TUB: variants seen among roughly 807,000 people sequenced by gnomAD.
TUB encodes TUB bipartite transcription factor.
A neutral mutation model predicts 59.7 loss-of-function variants in TUB; 33 were observed. The observed-to-expected ratio is 0.55, with a 90% CI of 0.42 to 0.74. TUB has a LOEUF of 0.74. Ranked by LOEUF, TUB falls within the 30% of genes least tolerant of loss-of-function variation. The pLI is 0.00. For missense variants in TUB, 659 were observed against 672.0 expected (o/e 0.98, Z 0.21); for synonymous variants, 293 against 256.4 (o/e 1.14, Z -1.36).
intron 1 of TUB, among the ~76,000 whole-genome samples, chr11:8,027,549 C>G (rs1942516301): frequency 6.6e-6 from 1 of 152,110 alleles, no homozygotes; most frequent in Non-Finnish European, 1.5e-5. Flanking sequence ...GAGTCTTGCT[C>G]TGTCTCCCAG....
chr11:8,037,498 G>T (rs528637426), upstream of TUB, among the ~76,000 whole-genome samples: 5 of 152,322 alleles, frequency 3.3e-5, no homozygotes, highest in South Asian at 1.0e-3. Context: ...TTGGGGTGGG[G>T]TCAGCAATGT....
chr11:8,064,891 G>A (rs917818145), intron 2 of TUB, among the ~76,000 whole-genome samples: 7 of 152,194 alleles, frequency 4.6e-5, no homozygotes, highest in Admixed American at 2.0e-4. Context: ...AAAGGACTCC[G>A]CAAACTTGGG....
At chr11:8,058,742 C>T (rs148328653) in intron 2 of TUB, among the ~76,000 whole-genome samples, 13 of 152,292 alleles carry the variant, frequency 8.5e-5, no homozygotes, top group African/African-American at 2.6e-4. Context: ...AAATATCAAG[C>T]AGCATTAAGC....
upstream of TUB, among the ~76,000 whole-genome samples, chr11:8,079,673 G>GGTGTGTGTGCGTGC (rs71059150): frequency 6.7e-6 from 1 of 149,360 alleles, no homozygotes. Context: ...CATGTGTGTA[G>GGTGTGTGTGCGTGC]GTGTGTGTAG....
intron 2 of TUB, among the ~76,000 whole-genome samples, chr11:8,072,493 G>C (rs988003316): frequency 2.6e-5 from 4 of 152,128 alleles, no homozygotes; most frequent in Non-Finnish European, 4.4e-5. Flanking sequence ...ATAGCTCCTC[G>C]GGGAGCTGCC....
rs1031795646 is a variant in TUB, at chr11:8,104,560, C to T, written c.*2941C>T. 1.3e-5 allele frequency: 2 copies of T among 152,184 alleles called. No homozygotes were observed. The highest frequency in any genetic ancestry group is 2.9e-5 in the Non-Finnish European group (2 of 68,040). 9.4% of individuals were successfully genotyped at this position (152,184 alleles called of 1,614,324 possible). Reference sequence around the variant, plus strand: ...GGAATAAGGATGTTGTTATGATCGCCTGTGGATTTTGTCCATTCATCTCAT... The same window carrying T: ...GGAATAAGGATGTTGTTATGATCGCTTGTGGATTTTGTCCATTCATCTCAT... On this transcript the variant is annotated 3_prime_UTR_variant, in exon 12 of 12. Coordinates refer to ENST00000299506, the MANE Select transcript of TUB (RefSeq NM_177972.3).
chr11:8,098,335 G>A lies in TUB; in HGVS notation c.999-423G>A, dbSNP rs186096040. ...AGCATAAATAAAGATGAGAGGTCAG[G>A]AGCTAAAGCTGGAGATGGGGCTGGA... On this transcript the variant is annotated intron_variant, in intron 8 of 11. Coordinates refer to ENST00000299506, the MANE Select transcript of TUB (RefSeq NM_177972.3). Among the ~76,000 whole-genome samples the A allele has an allele frequency of 2.0e-5, 3 of 152,280 alleles. No individual in the cohort carries two copies. In the East Asian group the frequency reaches 5.8e-4, roughly 29 times the overall value.
At chr11:8,092,187 A>G (rs1272666393) in intron 3 of TUB, among the ~76,000 whole-genome samples, 2 of 152,164 alleles carry the variant, frequency 1.3e-5, no homozygotes, top group African/African-American at 4.8e-5. Context: ...CACACCTGTA[A>G]TCCCAACACT....
rs566173072 is a variant in TUB at position 8,053,713 on chromosome 11, G to A, written c.203+14021G>A. Among the ~76,000 whole-genome samples, 138 of 151,096 alleles carry A rather than the reference G, an allele frequency of 9.1e-4. 1 individual carries two copies. The highest frequency in any genetic ancestry group is 3.2e-3 in the African/African-American group (132 of 41,286). On this transcript the variant is annotated intron_variant, in intron 2 of 12. Transcript: ENST00000305253. ...AGACGGGGTTTCACCGTGTTAGCCA[G>A]GATGGTCTCGATCTCCTGACCTCGC...
Position 8,105,269 on chromosome 11 carries a change from A to G in TUB, c.*3650A>G, listed in dbSNP as rs1195149356. The G allele has an allele frequency of 6.6e-6, 1 of 152,220 alleles. No homozygotes were observed. Among genetic ancestry groups the G allele is most frequent in the Non-Finnish European group, 1.5e-5 (1 of 68,058 alleles). 9.4% of individuals were successfully genotyped at this position (152,220 alleles called of 1,614,324 possible). A position where few individuals can be genotyped will look rare whatever the true frequency, so the allele number is the denominator to read the frequency against. The stretch of plus-strand genomic sequence containing the variant: ...TGGCCCTCAGATTACACTTCTCCAG[A>G]TAGCTGAATGAGTCTGCTTTCACTG... On this transcript the variant is annotated 3_prime_UTR_variant, in exon 12 of 12. Coordinates refer to ENST00000299506, the MANE Select transcript of TUB (RefSeq NM_177972.3).
intron 2 of TUB, among the ~76,000 whole-genome samples, chr11:8,046,257 C>T (rs1242969097): frequency 2.6e-5 from 4 of 152,124 alleles, no homozygotes; most frequent in Non-Finnish European, 2.9e-5. Context: ...TCTGAACTGT[C>T]GTTTCATCTA....
At chr11:8,044,777 C>T (rs555522331) in intron 2 of TUB, among the ~76,000 whole-genome samples, 2 of 152,314 alleles carry the variant, frequency 1.3e-5, no homozygotes, top group Non-Finnish European at 2.9e-5. Context: ...TTCCTAGGAC[C>T]CCTGCTCAGG....
upstream of TUB, among the ~76,000 whole-genome samples, chr11:8,081,097 G>A (rs576567703): frequency 3.8e-4 from 58 of 151,784 alleles, no homozygotes; most frequent in African/African-American, 1.3e-3. Flanking sequence ...CGACGATTTC[G>A]GGGGAGGGGG....
At chr11:8,099,528 T>C (rs150564426) in intron 9 of TUB, among the ~76,000 whole-genome samples, 1,674 of 152,278 alleles carry the variant, frequency 0.011, 48 homozygotes, top group African/African-American at 0.037. Context: ...AGCCTGAGTC[T>C]TCAAGTTCTT....
At chr11:8,043,367 C>T (rs184642546) in intron 2 of TUB, among the ~76,000 whole-genome samples, 5 of 152,242 alleles carry the variant, frequency 3.3e-5, no homozygotes, top group Middle Eastern at 3.4e-3. Context: ...ATGAGTTCTC[C>T]ACCTTTGTTC....
At chr11:8,031,413 G>A (rs2133710508) in intron 1 of TUB, among the ~76,000 whole-genome samples, 1 of 152,306 alleles carries the variant, frequency 6.6e-6, no homozygotes, top group African/African-American at 2.4e-5. Context: ...AGCCCTAAAA[G>A]CACTCAAGGA....
At chr11:8,039,793 G>A (rs1207336147) in intron 2 of TUB, 3 of 1,002,770 alleles carry the variant, frequency 3.0e-6, no homozygotes, top group South Asian at 2.2e-5. Context: ...CAGGGGCCAT[G>A]AACCCCATAT....
chr11:8,100,773 G>C, intron 10 of TUB, 53 bp from the exon 11 acceptor site: 2 of 1,604,044 alleles, frequency 1.2e-6, no homozygotes. Context: ...CCTTTCTGGG[G>C]TGGTCATGGT....
chr11:8,062,133 G>A (rs796739779), intron 2 of TUB: 2 of 152,494 alleles, frequency 1.3e-5, no homozygotes, highest in African/African-American at 4.8e-5. Context: ...GGGGCGGTGA[G>A]ACGGAGTCTG....
Sources: allele counts gnomAD v4.1 joint callset (sites outside exome capture counted in the v4.1 genomes callset), GRCh38; gene constraint gnomAD v4.1.1; transcripts MANE v1.5; gene names NCBI Gene and HGNC (gene_info 2026-07-23, HGNC 2026-07-21).